FARP2: variants seen among roughly 807,000 people sequenced by gnomAD.
FARP2 encodes FERM, ARH/RhoGEF and pleckstrin domain protein 2.
In FARP2, 111 loss-of-function variants were observed where a neutral mutation model predicts 130.5. That is an observed-to-expected ratio of 0.85 (90% confidence interval 0.73 to 1.00). The LOEUF (loss-of-function observed/expected upper bound fraction) is 1.00. FARP2 is among the 50% of genes least tolerant of loss of function. The probability of loss-of-function intolerance (pLI) is 0.00; values close to 1 mark genes in which losing one functional copy is unlikely to be tolerated. For missense variants in FARP2, 1,385 were observed against 1,346.3 expected, an observed-to-expected ratio of 1.03 and a Z score of -0.45; for synonymous variants, 504 against 516.9, an observed-to-expected ratio of 0.98 and a Z score of 0.34.
intron 2 of FARP2, among the ~76,000 whole-genome samples, chr2:241,377,989 A>G (rs904640280): frequency 6.6e-6 from 1 of 152,310 alleles, no homozygotes; most frequent in Admixed American, 6.5e-5. Flanking sequence ...TATATGTTCC[A>G]ATTTCTCCAC....
In FARP2 at chr2:241,437,671, T is replaced by TTTATTTA. The variant is rs1553723715; in HGVS notation, c.1158+1135_1158+1136insATTTATT. On this transcript the variant is annotated intron_variant, in intron 12 of 26. Coordinates refer to ENST00000264042, the MANE Select transcript of FARP2 (RefSeq NM_014808.4). The stretch of plus-strand genomic sequence containing the variant: ...ATATATTTATTTATTTATTTATTTA[T>TTTATTTA]TTTTTTTTTTTGAGACGGAGTCTTG... 4.5e-3 allele frequency among the ~76,000 whole-genome samples: 526 copies of TTTATTTA among 115,988 alleles called. 3 individuals are homozygous for TTTATTTA. The highest frequency in any genetic ancestry group is 0.014 in the African/African-American group (497 of 36,320). The allele number at this position is 115,988 out of a possible 152,430, so 76.1% of individuals were successfully genotyped here. A position where few individuals can be genotyped will look rare whatever the true frequency, so the allele number is the denominator to read the frequency against.
At chr2:241,474,198 C>G (rs868456365) in intron 18 of FARP2, among the ~76,000 whole-genome samples, 5 of 150,708 alleles carry the variant, frequency 3.3e-5, no homozygotes, top group African/African-American at 4.9e-5. Flanking sequence ...CCCAGCTACT[C>G]GGGAGGCTGA....
chr2:241,462,314 T>C (rs749683709), intron 14 of FARP2, among the ~76,000 whole-genome samples: 32 of 152,194 alleles, frequency 2.1e-4, no homozygotes, highest in Non-Finnish European at 3.5e-4. Flanking sequence ...TTACATATGG[T>C]GATATTTGAA....
chr2:241,438,438 T>A (rs1258062024), intron 12 of FARP2, among the ~76,000 whole-genome samples: 1 of 151,984 alleles, frequency 6.6e-6, no homozygotes, highest in African/African-American at 2.4e-5. Context: ...TGAACTATAG[T>A]CCCAGCTACT....
At chr2:241,376,581 C>T (rs2150306592) in intron 2 of FARP2, among the ~76,000 whole-genome samples, 1 of 152,022 alleles carries the variant, frequency 6.6e-6, no homozygotes, top group East Asian at 1.9e-4. Flanking sequence ...GCTTGTCCCG[C>T]CCCCCTTCCT....
intron 5 of FARP2, among the ~76,000 whole-genome samples, chr2:241,410,545 C>T (rs1559743709): frequency 1.3e-5 from 2 of 152,164 alleles, no homozygotes; most frequent in East Asian, 3.9e-4. Flanking sequence ...ATTCTCCTGC[C>T]TCAGCCTCCC....
In FARP2 at chr2:241,415,866, G is replaced by C. The variant is rs954265039; in HGVS notation, c.624-2096G>C. On this transcript the variant is annotated intron_variant, in intron 7 of 26. Transcript: ENST00000264042. Reference sequence around the variant, plus strand: ...GCCTTCAGCAGCTTCAGTGAGTGGTGAGGGTGAATTCTAGATTCAAGTACA... The same window carrying C: ...GCCTTCAGCAGCTTCAGTGAGTGGTCAGGGTGAATTCTAGATTCAAGTACA... Among the ~76,000 whole-genome samples the C allele has an allele frequency of 3.3e-5, 5 of 152,310 alleles. No individual in the cohort carries two copies. In the East Asian group the frequency reaches 9.6e-4, roughly 29 times the overall value.
chr2:241,376,226 C>T lies in FARP2; in HGVS notation c.183+2936C>T, dbSNP rs541033533. ...ATTTTTGTGGTCACAGAAACGTTCT[C>T]AGTCCAGAAGTGGGCACTGCAGTGT... On this transcript the variant is annotated intron_variant, in intron 2 of 26. Transcript: ENST00000264042. Among the ~76,000 whole-genome samples, 3 of 152,324 alleles carry T rather than the reference C, an allele frequency of 2.0e-5. No individual in the cohort carries two copies. In the East Asian group the frequency reaches 5.8e-4, roughly 29 times the overall value.
chr2:241,426,024 G>T (rs138931552), intron 8 of FARP2, among the ~76,000 whole-genome samples: 1 of 151,896 alleles, frequency 6.6e-6, no homozygotes, highest in Non-Finnish European at 1.5e-5. Flanking sequence ...TTTCACACAT[G>T]TAGATTTTTA....
At chr2:241,463,730 AT>A (rs2064091083) in intron 16 of FARP2, 168 bp from the exon 17 acceptor site, 3 of 687,470 alleles carry the variant, frequency 4.4e-6, no homozygotes. Flanking sequence ...GGCCAGACAC[AT>A]AATAGCAGCT....
chr2:241,390,330 C>T (rs769428189), intron 2 of FARP2, among the ~76,000 whole-genome samples: 2 of 152,182 alleles, frequency 1.3e-5, no homozygotes, highest in Non-Finnish European at 2.9e-5. Flanking sequence ...CTGGCACTGC[C>T]GTCTTCAGGA....
chr2:241,436,155 C>T (rs1205426586), intron 11 of FARP2, among the ~76,000 whole-genome samples: 1 of 151,564 alleles, frequency 6.6e-6, no homozygotes, highest in Admixed American at 6.6e-5. Context: ...GTGATCCACC[C>T]GCCTCGGCCT....
chr2:241,430,538 G>A (rs1042491797), intron 8 of FARP2, among the ~76,000 whole-genome samples: 1 of 151,916 alleles, frequency 6.6e-6, no homozygotes, highest in African/African-American at 2.4e-5. Context: ...CCCATCATTC[G>A]CTCCTGTTAC....
intron 13 of FARP2, among the ~76,000 whole-genome samples, chr2:241,453,191 A>G (rs2063714249): frequency 2.6e-5 from 4 of 151,328 alleles, no homozygotes; most frequent in South Asian, 2.1e-4. Flanking sequence ...TTAGCCGGGC[A>G]TGGTGGCGTG....
intron 1 of FARP2, among the ~76,000 whole-genome samples, chr2:241,369,480 C>T (rs2061379448): frequency 6.6e-6 from 1 of 151,668 alleles, no homozygotes; most frequent in South Asian, 2.1e-4. Flanking sequence ...GGTGTTTTCT[C>T]TTTATGGTTT....
At position 241,441,546 on chromosome 2, in the gene FARP2, G is replaced by T. The variant is rs746133419; in HGVS notation, c.1401G>T (p.Gln467His). ...SAQPLGPPAL[Q>H]PGPGLSTKSP... is the part of the protein sequence containing the mutation. ...AGCCCCTCGGGCCCCCCGCACTCCAGCCTGGTCCAGGTGTCGGGTTTTGTC... is the reference window on the plus strand; with the variant it reads ...AGCCCCTCGGGCCCCCCGCACTCCATCCTGGTCCAGGTGTCGGGTTTTGTC... The change falls in exon 13 of 27, where the codon CAG (glutamine) becomes CAT (histidine). Residue 467 changes from glutamine (Q) to histidine (H), a missense_variant. Transcript: ENST00000264042. 6.2e-7 allele frequency: 1 copy of T among 1,614,042 alleles called. No individual in the cohort carries two copies. The highest frequency in any genetic ancestry group is 1.7e-5 in the Admixed American group (1 of 60,024).
intron 8 of FARP2, among the ~76,000 whole-genome samples, chr2:241,428,164 G>A (rs992788229): frequency 6.0e-5 from 9 of 151,172 alleles, no homozygotes; most frequent in Non-Finnish European, 1.0e-4. Flanking sequence ...GTTTTGTTTT[G>A]CTTTGTTTTT....
intron 21 of FARP2, among the ~76,000 whole-genome samples, chr2:241,487,716 C>G (rs1046591332): frequency 2.8e-5 from 4 of 143,620 alleles, no homozygotes; most frequent in Non-Finnish European, 6.0e-5. Context: ...CACTTAACCT[C>G]TCTGATGTCA....
At chr2:241,378,554 A>G (rs1332408417) in intron 2 of FARP2, among the ~76,000 whole-genome samples, 1 of 151,882 alleles carries the variant, frequency 6.6e-6, no homozygotes, top group Non-Finnish European at 1.5e-5. Flanking sequence ...CTGGAACTAC[A>G]GGCGTGTACC....
Sources: allele counts gnomAD v4.1 joint callset (sites outside exome capture counted in the v4.1 genomes callset), GRCh38; gene constraint gnomAD v4.1.1; transcripts MANE v1.5; gene names NCBI Gene and HGNC (gene_info 2026-07-23, HGNC 2026-07-21).